The following ASB3 variants were observed in gnomAD, a reference collection of about 807,000 sequenced individuals.
ASB3 encodes the protein ankyrin repeat and SOCS box containing 3.
Under a neutral mutation model 54.5 loss-of-function variants are expected in ASB3, and 41 were observed. The observed-to-expected ratio is 0.75, with a 90% CI of 0.59 to 0.98. The LOEUF is 0.98. Among genes scored for constraint, ASB3 ranks in the 50% least tolerant of loss-of-function variants. The probability of loss-of-function intolerance (pLI) is 0.00; values close to 1 mark genes in which losing one functional copy is unlikely to be tolerated. For synonymous variants in ASB3, 266 were observed against 221.2 expected (o/e 1.20, Z -1.80); for missense variants, 733 against 620.0 (o/e 1.18, Z -1.94).
chr2:53,680,793 T>C (rs537131623), intron 9 of ASB3, among the ~76,000 whole-genome samples: 1 of 152,322 alleles, frequency 6.6e-6, no homozygotes, highest in South Asian at 2.1e-4. Context: ...TTAGACACTC[T>C]ATTGTGATAT....
At chr2:53,769,847 A>T (rs1673770517) in intron 1 of ASB3, among the ~76,000 whole-genome samples, 4 of 152,212 alleles carry the variant, frequency 2.6e-5, no homozygotes, top group African/African-American at 9.7e-5. Flanking sequence ...CGTCTCAAAA[A>T]AAAAGAGCTA....
chr2:53,754,405 G>A (rs55897904), intron 2 of ASB3, among the ~76,000 whole-genome samples: 15,197 of 152,060 alleles, frequency 0.1, 893 homozygotes, highest in East Asian at 0.15. Context: ...TTGGGAAAAG[G>A]AAATAAAATC....
At chr2:53,674,391 T>C (rs967612834) in intron 9 of ASB3, among the ~76,000 whole-genome samples, 1 of 152,222 alleles carries the variant, frequency 6.6e-6, no homozygotes, top group Non-Finnish European at 1.5e-5. Flanking sequence ...AATTCCTCTA[T>C]TTTGTTCATT....
chr2:53,686,727 T>A (rs1263120659), intron 9 of ASB3, among the ~76,000 whole-genome samples: 3 of 151,938 alleles, frequency 2.0e-5, no homozygotes, highest in African/African-American at 7.3e-5. Flanking sequence ...TTATTTATTT[T>A]CTGAGAGAGA....
intron 9 of ASB3, among the ~76,000 whole-genome samples, chr2:53,677,428 C>G (rs1321558266): frequency 6.6e-6 from 1 of 152,068 alleles, no homozygotes; most frequent in African/African-American, 2.4e-5. Context: ...TAAGTTGTAA[C>G]ATGTTATAAA....
intron 8 of ASB3, among the ~76,000 whole-genome samples, chr2:53,698,404 A>T (rs1669303588): frequency 1.3e-5 from 2 of 152,190 alleles, no homozygotes; most frequent in Non-Finnish European, 2.9e-5. Context: ...TTTTCCACAC[A>T]GCCAGGCTGA....
chr2:53,692,892 G>A (rs1198964242), intron 9 of ASB3, among the ~76,000 whole-genome samples: 1 of 152,090 alleles, frequency 6.6e-6, no homozygotes, highest in Non-Finnish European at 1.5e-5. Context: ...TTCTATACTA[G>A]AAGGCTGAAA....
At chr2:53,683,420 T>C (rs1419746337) in intron 9 of ASB3, among the ~76,000 whole-genome samples, 1 of 152,086 alleles carries the variant, frequency 6.6e-6, no homozygotes, top group Non-Finnish European at 1.5e-5. Context: ...GTAGTGTTTT[T>C]TTTTTGGTTT....
intron 7 of ASB3, among the ~76,000 whole-genome samples, chr2:53,701,426 T>C (rs1669489381): frequency 6.6e-6 from 1 of 152,220 alleles, no homozygotes; most frequent in Non-Finnish European, 1.5e-5. Flanking sequence ...ACTGGGATAA[T>C]GATATCAAAC....
intron 2 of ASB3, among the ~76,000 whole-genome samples, chr2:53,758,433 G>T (rs958349937): frequency 7.9e-5 from 12 of 152,144 alleles, no homozygotes; most frequent in African/African-American, 2.7e-4. Context: ...TAACTCAAAA[G>T]GTTACCTACA....
At position 53,780,265 on chromosome 2, in the gene ASB3, A is replaced by G. The variant is rs368366539; in HGVS notation, c.-14+6556T>C. On this transcript the variant is annotated intron_variant, in intron 1 of 9. Coordinates refer to ENST00000263634, the MANE Select transcript of ASB3 (RefSeq NM_016115.5). ...GTGTATTTGTCAAATTTCACTTCCC[A>G]CTGACGTACTCCCCTGCCCCTCATG... Among the ~76,000 whole-genome samples the G allele has an allele frequency of 1.2e-4, 18 of 152,226 alleles. No individual in the cohort carries two copies. In the South Asian group the frequency reaches 2.1e-3, roughly 18 times the overall value.
intron 1 of ASB3, among the ~76,000 whole-genome samples, chr2:53,771,382 G>A (rs1177890881): frequency 7.9e-5 from 12 of 152,120 alleles, no homozygotes; most frequent in South Asian, 4.2e-4. Context: ...GTGTCTTGGC[G>A]GGCACCTGTA....
intron 3 of ASB3, among the ~76,000 whole-genome samples, chr2:53,746,147 T>A (rs932342096): frequency 6.6e-6 from 1 of 151,776 alleles, no homozygotes; most frequent in Non-Finnish European, 1.5e-5. Flanking sequence ...TAAAAAAAAA[T>A]TAGCTGGGTG....
chr2:53,689,049 A>G (rs1379726047), intron 9 of ASB3, among the ~76,000 whole-genome samples: 1 of 152,212 alleles, frequency 6.6e-6, no homozygotes, highest in Non-Finnish European at 1.5e-5. Flanking sequence ...TTAGCCAGTA[A>G]ATTTTAAATA....
intron 5 of ASB3, among the ~76,000 whole-genome samples, chr2:53,718,657 C>T (rs1196017590): frequency 6.6e-6 from 1 of 151,948 alleles, no homozygotes; most frequent in Non-Finnish European, 1.5e-5. Context: ...ATCAAAACCT[C>T]ACATATCAAT....
chr2:53,728,008 G>A (rs1671103370), intron 5 of ASB3, among the ~76,000 whole-genome samples: 1 of 151,992 alleles, frequency 6.6e-6, no homozygotes, highest in South Asian at 2.1e-4. Flanking sequence ...TTACAGGCAT[G>A]AGCAACCGTG....
At chr2:53,785,204 T>C (rs1674876656) in intron 1 of ASB3, among the ~76,000 whole-genome samples, 1 of 152,244 alleles carries the variant, frequency 6.6e-6, no homozygotes, top group Non-Finnish European at 1.5e-5. Context: ...CCTACAGGTA[T>C]TGTCTTTCAC....
intron 2 of ASB3, among the ~76,000 whole-genome samples, chr2:53,758,573 T>C (rs1211997455): frequency 6.6e-6 from 1 of 152,074 alleles, no homozygotes; most frequent in East Asian, 1.9e-4. Flanking sequence ...GCAAAGGCAA[T>C]ATTGGGCATG....
In ASB3 at chr2:53,766,346, T is replaced by A. The variant is rs547783360; in HGVS notation, c.-13-761A>T. On this transcript the variant is annotated intron_variant, in intron 1 of 9. Transcript: ENST00000263634. ...GTCCAGTATAGCTCTCATGTGACTC[T>A]CTCGAAGACACAATTTCTTGTTAGT... Among the ~76,000 whole-genome samples, 19 of 152,352 alleles carry A rather than the reference T, an allele frequency of 1.2e-4. No homozygotes were observed. The South Asian group carries it at 3.5e-3, about 28-fold the overall frequency.
Sources: gnomAD v4.1 joint callset for allele counts (sites outside exome capture counted in the v4.1 genomes callset) on GRCh38, gnomAD v4.1.1 for gene constraint, MANE v1.5 for transcripts, NCBI Gene and HGNC (gene_info 2026-07-23, HGNC 2026-07-21) for gene names.